Variants in SIPA1L2 observed in about 807,000 individuals in gnomAD.
SIPA1L2 encodes the protein signal induced proliferation associated 1 like 2, also known as signal-induced proliferation-associated 1-like protein 2.
A neutral mutation model predicts 163.9 loss-of-function variants in SIPA1L2; 56 were observed. The ratio of observed to expected loss-of-function variants is 0.34; its 90% CI spans 0.28 to 0.43. The LOEUF is 0.43. SIPA1L2 is among the 20% of genes least tolerant of loss of function. SIPA1L2 has a pLI of 1.00. For missense variants in SIPA1L2, 1,974 were observed against 2,193.5 expected (o/e 0.90, Z 2.00); for synonymous variants, 877 against 865.7 (o/e 1.01, Z -0.23).
intron 2 of SIPA1L2, among the ~76,000 whole-genome samples, chr1:232,551,045 C>G (rs1279102337): frequency 6.6e-6 from 1 of 152,146 alleles, no homozygotes; most frequent in Non-Finnish European, 1.5e-5. Flanking sequence ...GGGAATCCTC[C>G]TACCACCACC....
Position 232,515,376 on chromosome 1 carries a change from G to C in SIPA1L2, c.-37C>G, listed in dbSNP as rs1484006556. ...AAGAGCCTCCAAGTCTCACCAGGAA[G>C]ACTGATGTAAATCTAATTACATTGC... On this transcript the variant is annotated 5_prime_UTR_variant, in exon 3 of 23. Transcript: ENST00000674635. 5.9e-6 allele frequency: 9 copies of C among 1,531,056 alleles called. No homozygotes were observed. The highest frequency in any genetic ancestry group is 1.4e-5 in the African/African-American group (1 of 72,334). The allele number at this position is 1,531,056 out of a possible 1,614,324, so 94.8% of individuals were successfully genotyped here. A position where few individuals can be genotyped will look rare whatever the true frequency, so the allele number is the denominator to read the frequency against.
intron 9 of SIPA1L2, among the ~76,000 whole-genome samples, chr1:232,461,564 C>T (rs553858461): frequency 6.6e-6 from 1 of 152,154 alleles, no homozygotes; most frequent in East Asian, 1.9e-4. Context: ...TAAATCCCAT[C>T]GTTCTAGATG....
chr1:232,465,501 C>G lies in SIPA1L2; in HGVS notation c.2244-85G>C. On this transcript the variant is annotated intron_variant, in intron 8 of 22. Transcript: ENST00000674635. This position sits in a 1 kb window ranked among gnomAD's most constrained non-coding sequence, Gnocchi z 4.1. ...TCCGAATTTGACATATATATACACACACACACACATATACATACACACACA... is the reference window on the plus strand; with the variant it reads ...TCCGAATTTGACATATATATACACAGACACACACATATACATACACACACA... 1 of 1,043,006 alleles carries G rather than the reference C, an allele frequency of 9.6e-7. No individual in the cohort carries two copies. The highest frequency in any genetic ancestry group is 1.6e-5 in the African/African-American group (1 of 60,824). 64.6% of individuals were successfully genotyped at this position (1,043,006 alleles called of 1,614,324 possible).
At chr1:232,558,785 A>C (rs1220049741) in intron 2 of SIPA1L2, among the ~76,000 whole-genome samples, 3 of 152,156 alleles carry the variant, frequency 2.0e-5, no homozygotes, top group African/African-American at 7.2e-5. Flanking sequence ...CATGTGCATC[A>C]AGTTTTATGA....
At chr1:232,509,184 C>T (rs1316588039) in intron 3 of SIPA1L2, among the ~76,000 whole-genome samples, 2 of 152,234 alleles carry the variant, frequency 1.3e-5, no homozygotes, top group Non-Finnish European at 2.9e-5. Context: ...CCTGCCACTC[C>T]CCTGCAGAAA....
At chr1:232,439,886 T>C (rs1362850338) in intron 14 of SIPA1L2, among the ~76,000 whole-genome samples, 1 of 152,310 alleles carries the variant, frequency 6.6e-6, no homozygotes, top group East Asian at 1.9e-4. Flanking sequence ...CAAATTATAG[T>C]GCCAGCCTTG....
chr1:232,446,239 A>G (rs182697325), intron 10 of SIPA1L2, among the ~76,000 whole-genome samples: 15 of 152,352 alleles, frequency 9.8e-5, no homozygotes, highest in Admixed American at 8.5e-4. Flanking sequence ...TTCTGGAGAT[A>G]ACAAGTACTA....
chr1:232,445,611 G>A lies in SIPA1L2; in HGVS notation c.3271C>T (p.Pro1091Ser). 1.9e-6 allele frequency: 3 copies of A among 1,613,588 alleles called. No individual in the cohort carries two copies. Among genetic ancestry groups the A allele is most frequent in the Non-Finnish European group, 2.5e-6 (3 of 1,179,960 alleles). The part of the protein sequence containing the change: ...SPIPGTPDRL[P>S]CQQLLQQAQA... ...GCCTGCTGGAGCAGCTGTTGGCACGGCAGCCGGTCGGGCGTGCCGGGGATG... is the reference window on the plus strand; with the variant it reads ...GCCTGCTGGAGCAGCTGTTGGCACGACAGCCGGTCGGGCGTGCCGGGGATG... Residue 1091 changes from proline to serine, a missense_variant, in exon 11 of 23, where the codon CCG becomes TCG. By Grantham distance (74) the Pro-to-Ser change is moderately conservative (BLOSUM62 -1). Transcript: ENST00000674635.
chr1:232,618,651 C>T (rs1302602679), intron 1 of SIPA1L2, among the ~76,000 whole-genome samples: 1 of 105,512 alleles, frequency 9.5e-6, no homozygotes, highest in Non-Finnish European at 1.9e-5. Context: ...GAGACTCCAT[C>T]TCAAAAAAAA....
chr1:232,411,065 A>G (rs1344066790), intron 19 of SIPA1L2, among the ~76,000 whole-genome samples: 1 of 152,240 alleles, frequency 6.6e-6, no homozygotes, highest in African/African-American at 2.4e-5. Context: ...CTGGGCAGGC[A>G]GTGTGTATGT....
intron 2 of SIPA1L2, among the ~76,000 whole-genome samples, chr1:232,533,284 C>T (rs904133919): frequency 2.0e-5 from 3 of 152,192 alleles, no homozygotes; most frequent in African/African-American, 7.2e-5. Context: ...TAAAACATTA[C>T]ACAAGCATAT....
chr1:232,450,811 C>T (rs1271310404), intron 10 of SIPA1L2, among the ~76,000 whole-genome samples: 3 of 152,090 alleles, frequency 2.0e-5, no homozygotes, highest in Non-Finnish European at 4.4e-5. Flanking sequence ...TAGCTTGAGG[C>T]TTGGAAAGAA....
intron 8 of SIPA1L2, among the ~76,000 whole-genome samples, chr1:232,469,853 G>T (rs964654243): frequency 1.4e-5 from 2 of 145,056 alleles, no homozygotes; most frequent in South Asian, 2.2e-4. Context: ...TAATTAAACA[G>T]AGTTGTTTAA....
chr1:232,541,247 T>TATAACATAACATAACA (rs552074001), intron 2 of SIPA1L2, among the ~76,000 whole-genome samples: 31 of 144,572 alleles, frequency 2.1e-4, no homozygotes, highest in Non-Finnish European at 3.7e-4. Context: ...TAACATAACA[T>TATAACATAACATAACA]TAACATAACA....
chr1:232,629,392 G>C (rs536308021), intron 1 of SIPA1L2, among the ~76,000 whole-genome samples: 58 of 152,340 alleles, frequency 3.8e-4, no homozygotes, highest in African/African-American at 1.4e-3. Context: ...CTTACAAAGA[G>C]GGATCCGTCC....
At chr1:232,448,613 A>C (rs1346921894) in intron 10 of SIPA1L2, among the ~76,000 whole-genome samples, 1 of 152,206 alleles carries the variant, frequency 6.6e-6, no homozygotes, top group Non-Finnish European at 1.5e-5. Context: ...AGGTGAATGG[A>C]AGAAAGGTTA....
chr1:232,527,920 T>C (rs1476413073), intron 2 of SIPA1L2, among the ~76,000 whole-genome samples: 1 of 150,718 alleles, frequency 6.6e-6, no homozygotes, highest in Non-Finnish European at 1.5e-5. Context: ...AAAATCCCAT[T>C]TTCTTATTAA....
intron 2 of SIPA1L2, among the ~76,000 whole-genome samples, chr1:232,562,450 C>A (rs1240907491): frequency 6.6e-6 from 1 of 152,076 alleles, no homozygotes; most frequent in Admixed American, 6.5e-5. Context: ...TTCTAACACA[C>A]CGCCTATTAG....
chr1:232,428,420 C>G lies in SIPA1L2; in HGVS notation c.4401G>C (p.Gly1467=), dbSNP rs780906644. Residue 1467 remains glycine (G), a synonymous_variant, in exon 17 of 23, where the codon GGG becomes GGC. Transcript: ENST00000674635. ...TCCCTAAGTCACTAACCTTTCTTCG[C>G]CCCTCCTCCACTAAGGGGCTGTCAG... ...MLPDSPLVEE[G]RRKFSFYGNL... 3 of 1,545,332 alleles carry G rather than the reference C, an allele frequency of 1.9e-6. No homozygotes were observed. Among genetic ancestry groups the G allele is most frequent in the Non-Finnish European group, 2.6e-6 (3 of 1,148,810 alleles).
Sources: allele counts gnomAD v4.1 joint callset (sites outside exome capture counted in the v4.1 genomes callset), GRCh38; gene constraint gnomAD v4.1.1; non-coding constraint Gnocchi (gnomAD v3.1); transcripts MANE v1.5; gene names NCBI Gene and HGNC (gene_info 2026-07-23, HGNC 2026-07-21).